Variants in MLLT3 observed in about 807,000 individuals in gnomAD.
The protein encoded by MLLT3 is MLLT3 super elongation complex subunit, also known as protein AF-9.
A neutral mutation model predicts 53.2 loss-of-function variants in MLLT3; 4 were observed. That is an observed-to-expected ratio of 0.08 (90% CI 0.04 to 0.17). The LOEUF (loss-of-function observed/expected upper bound fraction) is 0.17, where lower values mean the gene tolerates loss of function less well. MLLT3 is among the 10% of genes least tolerant of loss of function. The probability of loss-of-function intolerance (pLI) is 1.00; values close to 1 mark genes in which losing one functional copy is unlikely to be tolerated. For synonymous variants in MLLT3, 283 were observed against 230.6 expected (o/e 1.23, Z -2.06); for missense variants, 569 against 684.0 (o/e 0.83, Z 1.87).
intron 10 of MLLT3, among the ~76,000 whole-genome samples, chr9:20,348,684 G>T (rs915732213): frequency 5.3e-5 from 8 of 152,160 alleles, no homozygotes; most frequent in Non-Finnish European, 1.0e-4. Context: ...CTTAGAAGGA[G>T]TGTACCCAAT....
At chr9:20,478,771 A>AGAAC (rs1824589048) in intron 2 of MLLT3, among the ~76,000 whole-genome samples, 1 of 152,110 alleles carries the variant, frequency 6.6e-6, no homozygotes, top group Non-Finnish European at 1.5e-5. Flanking sequence ...AGGGAGTTCT[A>AGAAC]CTTCATAGTC....
chr9:20,553,762 T>C (rs1225812181), intron 2 of MLLT3, among the ~76,000 whole-genome samples: 1 of 152,144 alleles, frequency 6.6e-6, no homozygotes, highest in African/African-American at 2.4e-5. Context: ...GGAGCTTGAA[T>C]ATGTAACTAA....
intron 5 of MLLT3, among the ~76,000 whole-genome samples, chr9:20,366,768 T>C (rs1821462922): frequency 6.6e-6 from 1 of 152,178 alleles, no homozygotes; most frequent in African/African-American, 2.4e-5. Context: ...TCATTGTGGT[T>C]TTGATTTGCA....
At chr9:20,562,829 A>G (rs1210874750) in intron 2 of MLLT3, among the ~76,000 whole-genome samples, 1 of 152,218 alleles carries the variant, frequency 6.6e-6, no homozygotes, top group African/African-American at 2.4e-5. Context: ...TTTGTGTAGT[A>G]TAACAGGTGA....
At chr9:20,374,247 G>A (rs1821694065) in intron 5 of MLLT3, among the ~76,000 whole-genome samples, 1 of 152,172 alleles carries the variant, frequency 6.6e-6, no homozygotes, top group Non-Finnish European at 1.5e-5. Context: ...AGCCAGGCTT[G>A]GTGAAGTGTC....
At chr9:20,409,126 TCAGGGAAA>T (rs1287034158) in intron 5 of MLLT3, among the ~76,000 whole-genome samples, 1 of 152,234 alleles carries the variant, frequency 6.6e-6, no homozygotes, top group Non-Finnish European at 1.5e-5. Context: ...TTGTCCATTT[TCAGGGAAA>T]GATCATTAAA....
intron 2 of MLLT3, among the ~76,000 whole-genome samples, chr9:20,478,012 C>T (rs1021253126): frequency 1.3e-5 from 2 of 152,212 alleles, no homozygotes; most frequent in East Asian, 1.9e-4. Context: ...GTAAAAAGTA[C>T]AATAATTATC....
intron 4 of MLLT3, among the ~76,000 whole-genome samples, chr9:20,431,971 A>G (rs60194722): frequency 0.043 from 6,523 of 152,226 alleles, 333 homozygotes; most frequent in East Asian, 0.23. Context: ...AAAGCTCAAG[A>G]AACTTTAGGA....
At chr9:20,463,117 G>A (rs1226330949) in intron 2 of MLLT3, among the ~76,000 whole-genome samples, 1 of 152,136 alleles carries the variant, frequency 6.6e-6, no homozygotes, top group East Asian at 1.9e-4. Flanking sequence ...TATTGAATTT[G>A]AAATGTTACA....
intron 3 of MLLT3, 87 bp downstream of exon 3, chr9:20,456,617 A>C: frequency 1.1e-6 from 1 of 928,718 alleles, no homozygotes; most frequent in South Asian, 1.4e-5. Flanking sequence ...CTAGTGACAG[A>C]AGTGCTTATG....
In MLLT3 at chr9:20,622,251, A is replaced by G; in HGVS notation, c.6T>C (p.Ala2=). The stretch of plus-strand genomic sequence containing the variant: ...TATTTTTGCGCGTACTTACCGAGCT[A>G]GCCATGCCTGGGGGCCCGGAGGTTT... M[A]SSCAVQVKLE... The change falls in exon 1 of 11, where the codon GCT becomes GCC. Residue 2 remains alanine, a synonymous_variant. Transcript: ENST00000380338. 6.2e-7 allele frequency: 1 copy of G among 1,600,532 alleles called. No individual in the cohort carries two copies. Among genetic ancestry groups the G allele is most frequent in the Non-Finnish European group, 8.5e-7 (1 of 1,172,788 alleles).
chr9:20,460,931 C>A (rs908308847), intron 2 of MLLT3, among the ~76,000 whole-genome samples: 1 of 152,134 alleles, frequency 6.6e-6, no homozygotes, highest in African/African-American at 2.4e-5. Context: ...TCTGAGAGCA[C>A]CACATGTTAA....
chr9:20,484,975 T>G (rs187013526), intron 2 of MLLT3, among the ~76,000 whole-genome samples: 46 of 152,120 alleles, frequency 3.0e-4, no homozygotes, highest in Non-Finnish European at 5.1e-4. Context: ...TCTGTAATTT[T>G]ATTTTTATTT....
intron 2 of MLLT3, among the ~76,000 whole-genome samples, chr9:20,567,168 ATCAC>A (rs900068301): frequency 2.2e-5 from 3 of 134,552 alleles, no homozygotes; most frequent in Non-Finnish European, 3.1e-5. Flanking sequence ...AGGAAATGTT[ATCAC>A]TCAAAGTCAA....
At chr9:20,476,916 A>G (rs1427274335) in intron 2 of MLLT3, among the ~76,000 whole-genome samples, 2 of 152,208 alleles carry the variant, frequency 1.3e-5, no homozygotes, top group African/African-American at 2.4e-5. Context: ...ATCCTTTAAA[A>G]CAAACAAGTC....
intron 2 of MLLT3, among the ~76,000 whole-genome samples, chr9:20,590,906 A>AT (rs34138837): frequency 2.1e-4 from 31 of 148,614 alleles, no homozygotes; most frequent in Admixed American, 3.4e-4. Context: ...TACTTAGCTA[A>AT]TTTTTTTTTT....
intron 2 of MLLT3, among the ~76,000 whole-genome samples, chr9:20,487,510 G>T (rs1385964801): frequency 6.6e-6 from 1 of 152,084 alleles, no homozygotes; most frequent in Non-Finnish European, 1.5e-5. Context: ...GCTTTCCCAT[G>T]TCAAACGTCA....
intron 2 of MLLT3, among the ~76,000 whole-genome samples, chr9:20,611,315 A>C (rs1820696870): frequency 6.6e-6 from 1 of 152,126 alleles, no homozygotes; most frequent in Non-Finnish European, 1.5e-5. Flanking sequence ...TTTATATCTG[A>C]AAACATTAAG....
chr9:20,462,010 G>A (rs927710167), intron 2 of MLLT3, among the ~76,000 whole-genome samples: 5 of 152,068 alleles, frequency 3.3e-5, no homozygotes, highest in African/African-American at 1.2e-4. Context: ...AGAGCCTCCA[G>A]GAATGGGGCA....
Sources: gnomAD v4.1 joint callset for allele counts (sites outside exome capture counted in the v4.1 genomes callset) on GRCh38, gnomAD v4.1.1 for gene constraint, MANE v1.5 for transcripts, NCBI Gene and HGNC (gene_info 2026-07-23, HGNC 2026-07-21) for gene names.